Variants in NELL1 observed in about 807,000 individuals in gnomAD.
NELL1 encodes protein kinase C-binding protein NELL1.
Under a neutral mutation model 107.4 loss-of-function variants are expected in NELL1, and 76 were observed. The ratio of observed to expected loss-of-function variants is 0.71; its 90% CI spans 0.59 to 0.86. The LOEUF is 0.86. NELL1 is among the 40% of genes least tolerant of loss of function. NELL1 has a pLI of 0.00. For missense variants in NELL1, 1,024 were observed against 1,005.5 expected, an observed-to-expected ratio of 1.02 and a Z score of -0.25; for synonymous variants, 353 against 341.2, an observed-to-expected ratio of 1.03 and a Z score of -0.38.
intron 12 of NELL1, among the ~76,000 whole-genome samples, chr11:21,088,562 G>A (rs1323765920): frequency 6.6e-6 from 1 of 152,082 alleles, no homozygotes; most frequent in African/African-American, 2.4e-5. Flanking sequence ...TGTATTGATA[G>A]CAACAAATCA....
rs188568488 is a variant in NELL1, at chr11:20,688,645, A to G, written c.184+10585A>G. 5.1e-4 allele frequency among the ~76,000 whole-genome samples: 78 copies of G among 152,278 alleles called. No individual in the cohort carries two copies. In the East Asian group the frequency reaches 0.011, roughly 21 times the overall value. On this transcript the variant is annotated intron_variant, in intron 2 of 19. Transcript: ENST00000357134. ...TTTATCCAATCCACCATTAATGGCC[A>G]CCTAGATTGATTGCATGTCTTTGCT...
chr11:21,493,248 G>T (rs1424007808), intron 15 of NELL1, among the ~76,000 whole-genome samples: 1 of 151,964 alleles, frequency 6.6e-6, no homozygotes, highest in Admixed American at 6.6e-5. Flanking sequence ...TTATCCAAAA[G>T]AAAATAAATC....
intron 13 of NELL1, among the ~76,000 whole-genome samples, chr11:21,223,062 T>C (rs1469368653): frequency 2.0e-5 from 3 of 152,176 alleles, no homozygotes; most frequent in African/African-American, 4.8e-5. Context: ...CTATTTGGCC[T>C]AAAGTCCAGT....
At chr11:20,725,321 G>T (rs1255621497) in intron 2 of NELL1, among the ~76,000 whole-genome samples, 1 of 152,174 alleles carries the variant, frequency 6.6e-6, no homozygotes, top group Non-Finnish European at 1.5e-5. Flanking sequence ...TGCCATATGA[G>T]TTCTGAGATA....
At chr11:21,075,776 A>G (rs1854120924) in intron 12 of NELL1, among the ~76,000 whole-genome samples, 1 of 152,088 alleles carries the variant, frequency 6.6e-6, no homozygotes. Context: ...AGTGTTTTCA[A>G]CTCACTTTAC....
At chr11:20,755,557 T>TTTTTTTATTTTTTTATTTA (rs1856252912) in intron 2 of NELL1, among the ~76,000 whole-genome samples, 4 of 14,160 alleles carry the variant, frequency 2.8e-4, no homozygotes, top group Non-Finnish European at 1.0e-3. Flanking sequence ...TTTGTTTTTG[T>TTTTTTTATTTTTTTATTTA]TTTTGTTTTT....
chr11:21,055,185 T>C (rs1188738991), intron 12 of NELL1, among the ~76,000 whole-genome samples: 1 of 152,116 alleles, frequency 6.6e-6, no homozygotes, highest in Non-Finnish European at 1.5e-5. Context: ...AAATTATGTA[T>C]ACCTAAGTCA....
At chr11:21,380,214 G>C (rs971555037) in intron 15 of NELL1, among the ~76,000 whole-genome samples, 4 of 152,042 alleles carry the variant, frequency 2.6e-5, no homozygotes, top group African/African-American at 9.7e-5. Context: ...GCTCAGAAAG[G>C]AGTAAGCAGG....
intron 5 of NELL1, among the ~76,000 whole-genome samples, chr11:20,909,040 G>T (rs1037491966): frequency 2.0e-5 from 3 of 152,184 alleles, no homozygotes; most frequent in African/African-American, 7.2e-5. Flanking sequence ...GTGTGGATAA[G>T]CCCTAAAAAC....
chr11:20,843,275 G>T (rs937004487), intron 3 of NELL1, among the ~76,000 whole-genome samples: 5 of 152,050 alleles, frequency 3.3e-5, no homozygotes, highest in African/African-American at 1.2e-4. Flanking sequence ...AGGAAGCAAT[G>T]GTTTGTTCAG....
intron 12 of NELL1, among the ~76,000 whole-genome samples, chr11:21,031,978 G>A (rs1852969153): frequency 6.6e-6 from 1 of 151,602 alleles, no homozygotes; most frequent in Admixed American, 6.6e-5. Context: ...CTGGGAGGCG[G>A]AGGTTGCAGT....
At chr11:20,951,886 G>A (rs1429063242) in intron 11 of NELL1, among the ~76,000 whole-genome samples, 1 of 152,104 alleles carries the variant, frequency 6.6e-6, no homozygotes, top group Non-Finnish European at 1.5e-5. Context: ...TTGAGGTAAT[G>A]GATGTAGCAG....
At position 21,421,965 on chromosome 11, in the gene NELL1, G is replaced by A. The variant is rs75469464; in HGVS notation, c.1645+51017G>A. On this transcript the variant is annotated intron_variant, in intron 15 of 19. Transcript: ENST00000357134. ...TCAGCAGATTTTTCACCAAAACTTTGGAGGCCATTGTGTAGGGGCCTGATA... is the reference window on the plus strand; with the variant it reads ...TCAGCAGATTTTTCACCAAAACTTTAGAGGCCATTGTGTAGGGGCCTGATA... Among the ~76,000 whole-genome samples, 963 of 152,214 alleles carry A rather than the reference G, an allele frequency of 6.3e-3. 7 individuals carry two copies. Among genetic ancestry groups the A allele is most frequent in the Non-Finnish European group, 9.6e-3 (651 of 68,014 alleles).
intron 13 of NELL1, among the ~76,000 whole-genome samples, chr11:21,144,591 G>A (rs1406856610): frequency 1.3e-5 from 2 of 152,156 alleles, no homozygotes; most frequent in South Asian, 2.1e-4. Flanking sequence ...TGTCACTGGG[G>A]CCTTATCCCC....
chr11:21,488,174 A>T (rs957954903), intron 15 of NELL1, among the ~76,000 whole-genome samples: 22 of 152,186 alleles, frequency 1.4e-4, no homozygotes, highest in African/African-American at 4.8e-4. Flanking sequence ...GACCAAGTGG[A>T]TCTGACAGAC....
intron 13 of NELL1, among the ~76,000 whole-genome samples, chr11:21,190,091 G>A (rs1393345724): frequency 6.6e-6 from 1 of 151,792 alleles, no homozygotes. Context: ...GGTGGCTCAT[G>A]CCTGTAATCC....
chr11:20,886,131 G>C (rs1849503266), intron 5 of NELL1, among the ~76,000 whole-genome samples: 1 of 151,996 alleles, frequency 6.6e-6, no homozygotes, highest in Admixed American at 6.6e-5. Flanking sequence ...GGGAGCCATG[G>C]GCTGAAAAAC....
chr11:20,715,960 G>A (rs192637772), intron 2 of NELL1, among the ~76,000 whole-genome samples: 10 of 152,330 alleles, frequency 6.6e-5, no homozygotes, highest in African/African-American at 2.2e-4. Flanking sequence ...ATTCTAATTA[G>A]GATTTATCTT....
intron 14 of NELL1, among the ~76,000 whole-genome samples, chr11:21,298,119 G>T (rs1300673977): frequency 6.6e-6 from 1 of 151,936 alleles, no homozygotes; most frequent in Non-Finnish European, 1.5e-5. Context: ...CAAGATTTAA[G>T]GTGAACAGCT....
Sources: allele counts gnomAD v4.1 joint callset (sites outside exome capture counted in the v4.1 genomes callset), GRCh38; gene constraint gnomAD v4.1.1; transcripts MANE v1.5; gene names NCBI Gene and HGNC (gene_info 2026-07-23, HGNC 2026-07-21).